LRBA: variants seen among roughly 807,000 people sequenced by gnomAD.
The protein encoded by LRBA is LPS responsive beige-like anchor protein, also known as lipopolysaccharide-responsive and beige-like anchor protein.
Under a neutral mutation model 330.0 loss-of-function variants are expected in LRBA, and 176 were observed. The ratio of observed to expected loss-of-function variants is 0.53; its 90% CI spans 0.47 to 0.60. LRBA has a LOEUF of 0.60. Ranked by LOEUF, LRBA falls within the 20% of genes least tolerant of loss-of-function variation. The pLI is 0.00. For synonymous variants in LRBA, 1,230 were observed against 1,193.0 expected (o/e 1.03, Z -0.64); for missense variants, 3,259 against 3,444.8 (o/e 0.95, Z 1.35).
intron 36 of LRBA, among the ~76,000 whole-genome samples, chr4:150,720,298 A>G (rs1728760103): frequency 6.6e-6 from 1 of 152,160 alleles, no homozygotes; most frequent in Non-Finnish European, 1.5e-5. Context: ...AAGACAAAAC[A>G]TCTGATGAAA....
At chr4:150,785,524 A>T (rs1203482314) in intron 34 of LRBA, among the ~76,000 whole-genome samples, 1 of 152,234 alleles carries the variant, frequency 6.6e-6, no homozygotes, top group Non-Finnish European at 1.5e-5. Flanking sequence ...TGTCAAGGCT[A>T]GTTTGGCCTA....
intron 38 of LRBA, 123 bp downstream of exon 38, chr4:150,598,884 G>T: frequency 2.6e-6 from 3 of 1,141,930 alleles, no homozygotes; most frequent in East Asian, 2.4e-5. Context: ...TCTCTTTCTG[G>T]TATGAACAAC....
intron 33 of LRBA, among the ~76,000 whole-genome samples, chr4:150,805,206 G>GTAAGGCA (rs1742401950): frequency 4.6e-5 from 2 of 43,458 alleles, no homozygotes; most frequent in Non-Finnish European, 1.1e-4. Flanking sequence ...GCAGAAGGAA[G>GTAAGGCA]GAAGGAAGGA....
intron 55 of LRBA, among the ~76,000 whole-genome samples, chr4:150,278,842 C>G (rs188349164): frequency 3.3e-5 from 5 of 151,482 alleles, no homozygotes; most frequent in African/African-American, 1.2e-4. Context: ...TTTCCCCCCT[C>G]GAGACAGGGT....
chr4:150,905,913 A>C lies in LRBA; in HGVS notation c.1680T>G (p.Asn560Lys). 1 of 1,613,576 alleles carries C rather than the reference A, an allele frequency of 6.2e-7. No individual in the cohort carries two copies. Among genetic ancestry groups the C allele is most frequent in the African/African-American group, 1.3e-5 (1 of 75,042 alleles). The change falls in exon 13 of 57, where the codon AAT becomes AAG. Residue 560 changes from asparagine to lysine, a missense_variant. Physicochemically the swap from Asn to Lys is moderately conservative, Grantham distance 94. Transcript: ENST00000651943. ...ACAATTGCTTGAGCAGGGGCATCCC[A>C]TTCTGCAGATTACTCAGATATTTTG... ...AFSKYLSNLQ[N>K]GMPLLKQLCD...
chr4:150,481,757 T>C (rs566441971), intron 42 of LRBA, among the ~76,000 whole-genome samples: 6 of 152,148 alleles, frequency 3.9e-5, no homozygotes, highest in Admixed American at 3.9e-4. Flanking sequence ...CCAGTAGTCA[T>C]TTCCCTTTTA....
At chr4:150,924,734 C>T (rs908914442) in intron 4 of LRBA, among the ~76,000 whole-genome samples, 4 of 152,074 alleles carry the variant, frequency 2.6e-5, no homozygotes, top group South Asian at 2.1e-4. Context: ...ACTAAATAAA[C>T]GTAATGAGTA....
At chr4:150,760,966 A>C (rs1191838728) in intron 35 of LRBA, among the ~76,000 whole-genome samples, 1 of 152,192 alleles carries the variant, frequency 6.6e-6, no homozygotes, top group Non-Finnish European at 1.5e-5. Flanking sequence ...CCTAGATGCA[A>C]GTTCAAATAG....
chr4:150,825,412 GC>G (rs897441978), intron 30 of LRBA, among the ~76,000 whole-genome samples: 1 of 152,128 alleles, frequency 6.6e-6, no homozygotes, highest in Non-Finnish European at 1.5e-5. Context: ...TGTTGCCCAG[GC>G]TGGAGTGCAA....
chr4:150,876,023 T>G (rs1753991188), intron 17 of LRBA, among the ~76,000 whole-genome samples: 1 of 152,062 alleles, frequency 6.6e-6, no homozygotes, highest in Non-Finnish European at 1.5e-5. Flanking sequence ...ATTAAACATC[T>G]TAAAAAGAAA....
At chr4:150,736,825 A>G (rs555585554) in intron 35 of LRBA, among the ~76,000 whole-genome samples, 7 of 152,192 alleles carry the variant, frequency 4.6e-5, no homozygotes, top group Non-Finnish European at 1.0e-4. Context: ...AAAATTCTTA[A>G]TAGCAGACAG....
In LRBA at chr4:150,375,622, ATT is replaced by A. The variant is rs5862917; in HGVS notation, c.7195-25465_7195-25464del. On this transcript the variant is annotated intron_variant, in intron 47 of 56. Coordinates refer to ENST00000651943, the MANE Select transcript of LRBA (RefSeq NM_001364905.1). Reference sequence around the variant, plus strand: ...TACAGGTGCGCACCACCACACCTGTATTTTTTTTTTTTTTGAATTTTTAGTAG... The same window carrying A: ...TACAGGTGCGCACCACCACACCTGTATTTTTTTTTTTTGAATTTTTAGTAG... Among the ~76,000 whole-genome samples the A allele has an allele frequency of 4.3e-4, 62 of 143,392 alleles. 1 individual carries two copies. The highest frequency in any genetic ancestry group is 1.6e-3 in the South Asian group (7 of 4,472). 94.1% of individuals were successfully genotyped at this position (143,392 alleles called of 152,430 possible).
intron 36 of LRBA, among the ~76,000 whole-genome samples, chr4:150,708,112 T>C (rs755913130): frequency 1.3e-5 from 2 of 151,778 alleles, no homozygotes; most frequent in Non-Finnish European, 3.0e-5. Context: ...ATCTCACAAG[T>C]AACAGGCGCA....
intron 47 of LRBA, among the ~76,000 whole-genome samples, chr4:150,359,527 T>C (rs1326213502): frequency 2.0e-5 from 3 of 152,196 alleles, no homozygotes; most frequent in Non-Finnish European, 4.4e-5. Flanking sequence ...GTTTGAACCT[T>C]AACCATACTA....
At chr4:150,858,954 T>A (rs148183241) in intron 22 of LRBA, among the ~76,000 whole-genome samples, 4 of 152,056 alleles carry the variant, frequency 2.6e-5, no homozygotes. Context: ...AATAAACCAA[T>A]TAGAGAATTC....
Position 150,282,620 on chromosome 4 carries a change from T to G in LRBA, c.8146A>C (p.Asn2716His). 4 of 1,612,172 alleles carry G rather than the reference T, an allele frequency of 2.5e-6. No homozygotes were observed. The highest frequency in any genetic ancestry group is 3.4e-5 in the Admixed American group (2 of 59,574). ...QEGPCLIHSM[N>H]GDLLRTLEGP... ...TCCAAGGTCCTCAACAAGTCTCCATTCATGGAATGTATGAGACATGGTCCT... is the reference window on the plus strand; with the variant it reads ...TCCAAGGTCCTCAACAAGTCTCCATGCATGGAATGTATGAGACATGGTCCT... Residue 2716 changes from asparagine to histidine, a missense_variant, in exon 55 of 57, where the codon AAT becomes CAT. Transcript: ENST00000651943.
chr4:150,590,513 A>C (rs1254908413), intron 39 of LRBA, among the ~76,000 whole-genome samples, 200 bp downstream of exon 39: 1 of 152,212 alleles, frequency 6.6e-6, no homozygotes, highest in Non-Finnish European at 1.5e-5. Flanking sequence ...CAAAAGAAAA[A>C]AATGAGGAGA....
intron 37 of LRBA, among the ~76,000 whole-genome samples, chr4:150,661,757 CCCA>C (rs1781131075): frequency 6.6e-6 from 1 of 151,738 alleles, no homozygotes; most frequent in African/African-American, 2.4e-5. Flanking sequence ...ATTACAGGAG[CCCA>C]CCATCACACC....
intron 47 of LRBA, among the ~76,000 whole-genome samples, chr4:150,350,554 C>T (rs1016094497): frequency 2.3e-5 from 3 of 132,038 alleles, no homozygotes; most frequent in South Asian, 2.3e-4. Flanking sequence ...TGGAAAAGAG[C>T]GAAACTCCAT....
Sources: allele counts gnomAD v4.1 joint callset (sites outside exome capture counted in the v4.1 genomes callset), GRCh38; gene constraint gnomAD v4.1.1; transcripts MANE v1.5; gene names NCBI Gene and HGNC (gene_info 2026-07-23, HGNC 2026-07-21).